The following UNC5D variants were observed in gnomAD, a reference collection of about 807,000 sequenced individuals.
The protein encoded by UNC5D is unc-5 netrin receptor D.
UNC5D carries 39 observed loss-of-function variants against 105.4 expected under a neutral mutation model. The ratio of observed to expected loss-of-function variants is 0.37; its 90% CI spans 0.29 to 0.48. The LOEUF (loss-of-function observed/expected upper bound fraction) is 0.48. Ranked by LOEUF, UNC5D falls within the 20% of genes least tolerant of loss-of-function variation. The probability of loss-of-function intolerance (pLI) is 0.98; values close to 1 mark genes in which losing one functional copy is unlikely to be tolerated. For missense variants in UNC5D, 991 were observed against 1,202.4 expected (o/e 0.82, Z 2.60); for synonymous variants, 452 against 450.4 (o/e 1.00, Z -0.04).
rs537245903 is a variant in UNC5D at position 35,424,983 on chromosome 8, T to C, written c.104-124309T>C. On this transcript the variant is annotated intron_variant, in intron 1 of 16. Transcript: ENST00000404895. ...GAATGTGGGTGATCATGTACTGGGCTGAAATTGTTCCCCTTCCTGTGTCCA... is the reference window on the plus strand; with the variant it reads ...GAATGTGGGTGATCATGTACTGGGCCGAAATTGTTCCCCTTCCTGTGTCCA... 5.3e-5 allele frequency among the ~76,000 whole-genome samples: 8 copies of C among 152,236 alleles called. No individual in the cohort carries two copies. In the East Asian group the frequency reaches 1.6e-3, roughly 30 times the overall value.
intron 4 of UNC5D, among the ~76,000 whole-genome samples, chr8:35,627,890 A>G (rs1469925205): frequency 6.6e-6 from 1 of 152,142 alleles, no homozygotes; most frequent in African/African-American, 2.4e-5. Flanking sequence ...TTGTGCCACT[A>G]CACTACCGCC....
intron 2 of UNC5D, among the ~76,000 whole-genome samples, chr8:35,553,816 A>G (rs979965745): frequency 2.6e-5 from 4 of 152,174 alleles, no homozygotes; most frequent in Non-Finnish European, 5.9e-5. Flanking sequence ...GGGAAACAGG[A>G]CTTGACTACC....
At chr8:35,692,113 G>T (rs1019543234) in intron 7 of UNC5D, among the ~76,000 whole-genome samples, 2 of 152,162 alleles carry the variant, frequency 1.3e-5, no homozygotes, top group African/African-American at 4.8e-5. Flanking sequence ...TGAAATATCA[G>T]TAAAACGGTG....
At chr8:35,544,520 T>C in intron 1 of UNC5D, 1 of 1,593,888 alleles carries the variant, frequency 6.3e-7, no homozygotes, top group Admixed American at 1.7e-5. Context: ...GGACTTTTCC[T>C]CCCAAACTTC....
chr8:35,585,550 G>GTA (rs1243195809), intron 3 of UNC5D, among the ~76,000 whole-genome samples: 2 of 142,202 alleles, frequency 1.4e-5, no homozygotes, highest in African/African-American at 5.2e-5. Context: ...GTGTGTGTGT[G>GTA]TGTATATATG....
chr8:35,753,034 A>C (rs555719968), intron 13 of UNC5D, among the ~76,000 whole-genome samples: 11 of 152,328 alleles, frequency 7.2e-5, no homozygotes, highest in African/African-American at 2.6e-4. Context: ...GTACTTAAAG[A>C]GCTTGTTCTC....
Position 35,369,409 on chromosome 8 carries a change from T to C in UNC5D, c.103+133522T>C, listed in dbSNP as rs150197105. On this transcript the variant is annotated intron_variant, in intron 1 of 16. Coordinates refer to ENST00000404895, the MANE Select transcript of UNC5D (RefSeq NM_080872.4). ...TTCAAGTATATACACATTTCAGAGA[T>C]AGTGGTTTTATAATTAAGTGGAAAA... 3.5e-3 allele frequency among the ~76,000 whole-genome samples: 536 copies of C among 152,340 alleles called. 2 individuals are homozygous for C. The highest frequency in any genetic ancestry group is 0.012 in the African/African-American group (512 of 41,586).
chr8:35,494,709 A>G (rs1471622657), intron 1 of UNC5D, among the ~76,000 whole-genome samples: 1 of 152,228 alleles, frequency 6.6e-6, no homozygotes, highest in African/African-American at 2.4e-5. Flanking sequence ...ATTCAGACAC[A>G]ATTGTCCAGA....
At chr8:35,587,965 A>ATATATATATATATATATATAT in intron 3 of UNC5D, among the ~76,000 whole-genome samples, 1 of 105,096 alleles carries the variant, frequency 9.5e-6, no homozygotes, top group Admixed American at 1.1e-4. Context: ...TAACTATAAT[A>ATATATATATATATATATATAT]ATATATATAT....
chr8:35,510,428 A>G (rs752711455), intron 1 of UNC5D, among the ~76,000 whole-genome samples: 4 of 151,802 alleles, frequency 2.6e-5, no homozygotes, highest in African/African-American at 4.8e-5. Flanking sequence ...ATCGTTGCCT[A>G]TGTTGAAATA....
chr8:35,552,948 C>T lies in UNC5D; in HGVS notation c.322+3438C>T, dbSNP rs149897260. Among the ~76,000 whole-genome samples, 4 of 152,250 alleles carry T rather than the reference C, an allele frequency of 2.6e-5. No individual in the cohort carries two copies. The East Asian group carries it at 7.7e-4, about 29-fold the overall frequency. ...ATATGACAGGCTTGTGTCTTTTGCT[C>T]AATTAGTACAACTAAAAAGGACTCA... is the stretch of plus-strand genomic sequence containing the variant. On this transcript the variant is annotated intron_variant, in intron 2 of 16. Coordinates refer to ENST00000404895, the MANE Select transcript of UNC5D (RefSeq NM_080872.4).
intron 2 of UNC5D, among the ~76,000 whole-genome samples, chr8:35,560,630 G>A (rs1052097634): frequency 6.6e-6 from 1 of 152,154 alleles, no homozygotes; most frequent in Admixed American, 6.5e-5. Flanking sequence ...ATTTGCCAAG[G>A]CTTCTTTTAG....
chr8:35,310,731 G>A (rs1336381729), intron 1 of UNC5D, among the ~76,000 whole-genome samples: 1 of 152,120 alleles, frequency 6.6e-6, no homozygotes, highest in Non-Finnish European at 1.5e-5. Context: ...CCTTTCATCT[G>A]TGTGTCTCTT....
At chr8:35,325,274 C>T (rs1414830653) in intron 1 of UNC5D, among the ~76,000 whole-genome samples, 1 of 152,152 alleles carries the variant, frequency 6.6e-6, no homozygotes, top group Non-Finnish European at 1.5e-5. Flanking sequence ...ATGAATAAAA[C>T]ATGCTAGTAA....
At chr8:35,447,879 A>T (rs765936520) in intron 1 of UNC5D, among the ~76,000 whole-genome samples, 2 of 152,096 alleles carry the variant, frequency 1.3e-5, no homozygotes, top group Non-Finnish European at 2.9e-5. Context: ...GTCCAAAACC[A>T]GTAACAGGAG....
chr8:35,611,921 G>A (rs1191455186), intron 4 of UNC5D, among the ~76,000 whole-genome samples: 1 of 152,164 alleles, frequency 6.6e-6, no homozygotes, highest in Non-Finnish European at 1.5e-5. Flanking sequence ...TAAAATTGTT[G>A]AGTTCTCAAT....
At chr8:35,311,177 G>A (rs920164721) in intron 1 of UNC5D, among the ~76,000 whole-genome samples, 1 of 152,166 alleles carries the variant, frequency 6.6e-6, no homozygotes, top group Non-Finnish European at 1.5e-5. Context: ...CATAAGAGTT[G>A]CGTATTTGAG....
chr8:35,525,874 T>C (rs548101677), intron 1 of UNC5D: 19 of 1,132,598 alleles, frequency 1.7e-5, no homozygotes, highest in Non-Finnish European at 2.1e-5. Flanking sequence ...AGTTTAGCTA[T>C]TAAAAAAGAA....
At position 35,429,562 on chromosome 8, in the gene UNC5D, GA is replaced by G. The variant is rs562331844; in HGVS notation, c.104-119729del. 3.9e-5 allele frequency among the ~76,000 whole-genome samples: 6 copies of G among 152,196 alleles called. No homozygotes were observed. The South Asian group carries it at 1.0e-3, about 26-fold the overall frequency. ...TTAATTTCATTATTTAGCCATTAAA[GA>G]TAAAAATATTACTAGAGGAAATGAG... On this transcript the variant is annotated intron_variant, in intron 1 of 16. Transcript: ENST00000404895.
Sources: allele counts gnomAD v4.1 joint callset (sites outside exome capture counted in the v4.1 genomes callset), GRCh38; gene constraint gnomAD v4.1.1; transcripts MANE v1.5; gene names NCBI Gene and HGNC (gene_info 2026-07-23, HGNC 2026-07-21).